KIF5C: variants seen among roughly 807,000 people sequenced by gnomAD.
KIF5C encodes the protein kinesin heavy chain isoform 5C.
A neutral mutation model predicts 125.2 loss-of-function variants in KIF5C; 18 were observed. That is an observed-to-expected ratio of 0.14 (90% CI 0.10 to 0.21). The LOEUF (loss-of-function observed/expected upper bound fraction) is 0.21, where lower values mean the gene tolerates loss of function less well. Among genes scored for constraint, KIF5C ranks in the 10% least tolerant of loss-of-function variants. The pLI, the probability that KIF5C is intolerant of heterozygous loss-of-function variation, is 1.00. For missense variants in KIF5C, 780 were observed against 1,183.8 expected (o/e 0.66, Z 5.01); for synonymous variants, 405 against 434.0 (o/e 0.93, Z 0.83).
intron 17 of KIF5C, among the ~76,000 whole-genome samples, chr2:148,996,329 A>G (rs1339890868): frequency 6.6e-6 from 1 of 152,248 alleles, no homozygotes; most frequent in Non-Finnish European, 1.5e-5. Context: ...AAATTTAAAA[A>G]GAAAGAACAT....
At chr2:148,974,952 A>G (rs1422844792) in intron 12 of KIF5C, among the ~76,000 whole-genome samples, 1 of 152,246 alleles carries the variant, frequency 6.6e-6, no homozygotes, top group African/African-American at 2.4e-5. Flanking sequence ...CTCAAATCAG[A>G]CATACGAAAT....
chr2:149,025,184 C>T lies in KIF5C; in HGVS notation c.*2114C>T, dbSNP rs897676658. On this transcript the variant is annotated 3_prime_UTR_variant, in exon 26 of 26. Transcript: ENST00000435030. ...CAAAGGGAAACATTCGCTTGTAGTT[C>T]CATTTTACTTGATCTCTACAAGGGA... The T allele has an allele frequency of 4.6e-5, 7 of 152,570 alleles. No homozygotes were observed. The highest frequency in any genetic ancestry group is 1.2e-4 in the African/African-American group (5 of 41,428). 9.5% of individuals were successfully genotyped at this position (152,570 alleles called of 1,614,324 possible).
intron 8 of KIF5C, among the ~76,000 whole-genome samples, chr2:148,947,642 A>G (rs558760917): frequency 2.0e-5 from 3 of 152,252 alleles, no homozygotes; most frequent in East Asian, 3.9e-4. Context: ...ACCCTGACCC[A>G]TGCCCTCCCA....
intron 11 of KIF5C, among the ~76,000 whole-genome samples, chr2:148,971,857 T>C (rs772829252): frequency 6.6e-6 from 1 of 152,200 alleles, no homozygotes; most frequent in African/African-American, 2.4e-5. Flanking sequence ...AGTGTTCAGG[T>C]GGGTTCCTTG....
chr2:148,894,749 A>G lies in KIF5C; in HGVS notation c.126+19006A>G, dbSNP rs10928418. On this transcript the variant is annotated intron_variant, in intron 1 of 25. Transcript: ENST00000435030. The stretch of plus-strand genomic sequence containing the variant: ...GGTGGGAGGGAAGATTAAAGGAAGT[A>G]TAAAAGTAATCACAAGTGTTCAGTA... Among the ~76,000 whole-genome samples the G allele has an allele frequency of 5.9e-3, 896 of 151,656 alleles. 13 individuals are homozygous for G. The Middle Eastern group carries it at 0.061, about 10-fold the overall frequency.
intron 1 of KIF5C, chr2:148,879,218 G>A (rs1681279682): frequency 1.3e-5 from 2 of 152,192 alleles, no homozygotes; most frequent in African/African-American, 4.8e-5. Context: ...TGTAAGCCAT[G>A]TTTAGAGACA....
Position 149,019,309 on chromosome 2 carries a change from T to G in KIF5C, c.*8-3769T>G, listed in dbSNP as rs573231552. 6.6e-5 allele frequency among the ~76,000 whole-genome samples: 10 copies of G among 152,282 alleles called. No individual in the cohort carries two copies. In the South Asian group the frequency reaches 1.5e-3, roughly 22 times the overall value. On this transcript the variant is annotated intron_variant, in intron 25 of 25. Transcript: ENST00000435030. ...ATGTGAAAGAAGAGAGAAAAAAGTC[T>G]TAGAAGAATACCTGGCAAAAATTAG...
At chr2:148,908,093 A>C (rs908514949) in intron 1 of KIF5C, among the ~76,000 whole-genome samples, 3 of 152,258 alleles carry the variant, frequency 2.0e-5, no homozygotes, top group African/African-American at 7.2e-5. Context: ...ACAAACACCA[A>C]TGTGGAATTA....
intron 17 of KIF5C, among the ~76,000 whole-genome samples, chr2:148,995,054 C>G (rs545284315): frequency 1.3e-5 from 2 of 152,166 alleles, no homozygotes; most frequent in Non-Finnish European, 2.9e-5. Context: ...CCCATTTCCT[C>G]ACAGTCCACC....
At chr2:148,948,464 C>T (rs1268969820) in intron 8 of KIF5C, among the ~76,000 whole-genome samples, 5 of 152,122 alleles carry the variant, frequency 3.3e-5, no homozygotes, top group Non-Finnish European at 7.3e-5. Context: ...CTAAATACAC[C>T]TGAAAACTGC....
chr2:148,941,766 A>G (rs1413546215), intron 5 of KIF5C, 108 bp downstream of exon 5: 7 of 1,476,950 alleles, frequency 4.7e-6, no homozygotes, highest in Middle Eastern at 1.7e-4. Context: ...ATTTATAGAG[A>G]TACTCTGTTG....
rs114570466 is a variant in KIF5C at position 148,957,231 on chromosome 2, G to A, written c.969-4740G>A. Among the ~76,000 whole-genome samples, 672 of 152,336 alleles carry A rather than the reference G, an allele frequency of 4.4e-3. 5 individuals carry two copies. The highest frequency in any genetic ancestry group is 0.015 in the African/African-American group (635 of 41,570). ...AAGTTCCGGATCATGTTCACTGGCAGCCTCACGCCCTAGATCCAAACCACA... is the reference window on the plus strand; with the variant it reads ...AAGTTCCGGATCATGTTCACTGGCAACCTCACGCCCTAGATCCAAACCACA... On this transcript the variant is annotated intron_variant, in intron 10 of 25. Coordinates refer to ENST00000435030, the MANE Select transcript of KIF5C (RefSeq NM_004522.3).
chr2:148,943,958 T>C lies in KIF5C; in HGVS notation c.589+1198T>C, dbSNP rs79895277. 8.5e-3 allele frequency among the ~76,000 whole-genome samples: 1,290 copies of C among 152,340 alleles called. 13 individuals carry two copies. The highest frequency in any genetic ancestry group is 0.029 in the African/African-American group (1,205 of 41,588). ...TTCTCTTGCTTAAAACATGCACACA[T>C]ACCTGAAAGAATGTAAGACAGATAT... On this transcript the variant is annotated intron_variant, in intron 7 of 25. Transcript: ENST00000435030.
chr2:148,941,699 G>A lies in KIF5C; in HGVS notation c.445+41G>A, dbSNP rs73970609. 0.096 allele frequency: 148,137 copies of A among 1,545,158 alleles called. 9,503 individuals are homozygous for A. Among genetic ancestry groups the A allele is most frequent in the African/African-American group, 0.3 (22,032 of 72,702 alleles). On this transcript the variant is annotated intron_variant, in intron 5 of 25. Transcript: ENST00000435030. ...GCTTGTCCTTTATTTGTTCTGTAACGAAAGTCCGGGGAGGTTGAAATGGTT... is the reference window on the plus strand; with the variant it reads ...GCTTGTCCTTTATTTGTTCTGTAACAAAAGTCCGGGGAGGTTGAAATGGTT...
chr2:148,958,586 C>T (rs1682853225), intron 10 of KIF5C, among the ~76,000 whole-genome samples: 2 of 152,108 alleles, frequency 1.3e-5, no homozygotes. Context: ...TATCTTCTCC[C>T]ACCTTGTAAC....
In KIF5C at chr2:148,981,462, C is replaced by G; in HGVS notation, c.1470C>G (p.Ala490=). 1.2e-6 allele frequency: 2 copies of G among 1,608,736 alleles called. No individual in the cohort carries two copies. Among genetic ancestry groups the G allele is most frequent in the Non-Finnish European group, 1.7e-6 (2 of 1,177,654 alleles). ...ATGAGGTGAAAGAAGTTCTCCAGGC[C>G]CTGGAGGAGCTGGCTGTCAATTATG... ...AKDEVKEVLQ[A]LEELAVNYDQ... The change falls in exon 14 of 26, where the codon GCC becomes GCG. Residue 490 remains alanine, a synonymous_variant. Transcript: ENST00000435030.
At chr2:148,887,336 G>C (rs1376233192) in intron 1 of KIF5C, among the ~76,000 whole-genome samples, 1 of 151,900 alleles carries the variant, frequency 6.6e-6, no homozygotes, top group African/African-American at 2.4e-5. Context: ...TGGACAGCAC[G>C]GCTCTAACAT....
In KIF5C at chr2:148,929,306, G is replaced by C. The variant is rs186518670; in HGVS notation, c.243G>C (p.Thr81=). The C allele has an allele frequency of 2.6e-6, 4 of 1,536,318 alleles. No individual in the cohort carries two copies. The East Asian group carries it at 9.8e-5, about 38-fold the overall frequency. The change falls in exon 3 of 26, where the codon ACG becomes ACC. Residue 81 remains threonine, a synonymous_variant. Coordinates refer to ENST00000435030, the MANE Select transcript of KIF5C (RefSeq NM_004522.3). The part of the protein sequence containing the change: ...VKDVLEGYNG[T]IFAYGQTSSG... ...ATGTCCTTGAAGGTTATAACGGGAC[G>C]ATTTTTGCGTATGGGCAGACTTCAT...
At chr2:149,012,548 G>A (rs897980104) in intron 25 of KIF5C, among the ~76,000 whole-genome samples, 2 of 152,274 alleles carry the variant, frequency 1.3e-5, no homozygotes, top group Admixed American at 1.3e-4. Flanking sequence ...TCTGCATCAA[G>A]GCAAGAAGGT....
Sources: allele counts gnomAD v4.1 joint callset (sites outside exome capture counted in the v4.1 genomes callset), GRCh38; gene constraint gnomAD v4.1.1; transcripts MANE v1.5; gene names NCBI Gene and HGNC (gene_info 2026-07-23, HGNC 2026-07-21).